Variants in CADM2 observed in about 807,000 individuals in gnomAD.
CADM2 encodes immunoglobulin superfamily member 4D.
Under a neutral mutation model 49.8 loss-of-function variants are expected in CADM2, and 12 were observed. The observed-to-expected ratio is 0.24, with a 90% CI of 0.15 to 0.39. CADM2 has a LOEUF of 0.39. Ranked by LOEUF, CADM2 falls within the 10% of genes least tolerant of loss-of-function variation. CADM2 has a pLI of 1.00. For synonymous variants in CADM2, 214 were observed against 175.4 expected (o/e 1.22, Z -1.74); for missense variants, 378 against 492.3 (o/e 0.77, Z 2.20).
intron 1 of CADM2, among the ~76,000 whole-genome samples, chr3:85,343,827 G>A (rs1227749155): frequency 1.3e-5 from 2 of 152,112 alleles, no homozygotes; most frequent in Non-Finnish European, 2.9e-5. Flanking sequence ...GAGTTATCTT[G>A]TTTGTTTTTA....
At chr3:86,036,904 C>T (rs1363448706) in intron 8 of CADM2, among the ~76,000 whole-genome samples, 1 of 151,974 alleles carries the variant, frequency 6.6e-6, no homozygotes, top group Non-Finnish European at 1.5e-5. Context: ...TCACTGGCTT[C>T]AATATTTAGT....
At chr3:85,138,381 C>T (rs886297063) in intron 1 of CADM2, among the ~76,000 whole-genome samples, 3 of 152,072 alleles carry the variant, frequency 2.0e-5, no homozygotes, top group African/African-American at 4.8e-5. Flanking sequence ...TTGAGGCTTT[C>T]TTCAGAGGTT....
chr3:85,725,415 T>C (rs1027642392), intron 1 of CADM2, among the ~76,000 whole-genome samples: 2 of 151,946 alleles, frequency 1.3e-5, no homozygotes, highest in Non-Finnish European at 2.9e-5. Context: ...TAAATTTTAC[T>C]AAAGGTCAGT....
At chr3:85,644,793 A>C (rs577123655) in intron 1 of CADM2, among the ~76,000 whole-genome samples, 10 of 152,256 alleles carry the variant, frequency 6.6e-5, no homozygotes, top group African/African-American at 2.4e-4. Context: ...TATTTTAATA[A>C]CTTTGAAGTC....
intron 1 of CADM2, among the ~76,000 whole-genome samples, chr3:84,989,565 C>T (rs1191649155): frequency 4.6e-5 from 7 of 152,014 alleles, no homozygotes; most frequent in African/African-American, 1.7e-4. Flanking sequence ...TATTTATAAA[C>T]AAGTGCTTGC....
At chr3:85,446,091 T>G (rs1288167726) in intron 1 of CADM2, among the ~76,000 whole-genome samples, 1 of 152,144 alleles carries the variant, frequency 6.6e-6, no homozygotes, top group East Asian at 1.9e-4. Flanking sequence ...GTGGTATCAT[T>G]TTTGATACTT....
At chr3:86,062,142 AT>A (rs1738730646) in intron 8 of CADM2, among the ~76,000 whole-genome samples, 1 of 152,166 alleles carries the variant, frequency 6.6e-6, no homozygotes. Flanking sequence ...AACAAAAATG[AT>A]TTCTAAGTTC....
At chr3:85,674,274 C>A (rs1189135843) in intron 1 of CADM2, among the ~76,000 whole-genome samples, 1 of 152,106 alleles carries the variant, frequency 6.6e-6, no homozygotes, top group East Asian at 1.9e-4. Flanking sequence ...TCCATGCTAG[C>A]ACACCCAAGT....
At chr3:86,025,970 G>T (rs1251422813) in intron 8 of CADM2, among the ~76,000 whole-genome samples, 1 of 151,870 alleles carries the variant, frequency 6.6e-6, no homozygotes, top group African/African-American at 2.4e-5. Context: ...AGAATAATTG[G>T]CTCTCTTTGA....
chr3:86,005,893 C>T (rs1009563792), intron 8 of CADM2, among the ~76,000 whole-genome samples: 5 of 152,082 alleles, frequency 3.3e-5, no homozygotes, highest in Admixed American at 2.0e-4. Flanking sequence ...CCTCTGGTAG[C>T]CATCCTTCTA....
At chr3:85,041,338 T>A (rs2035430997) in intron 1 of CADM2, among the ~76,000 whole-genome samples, 1 of 152,158 alleles carries the variant, frequency 6.6e-6, no homozygotes, top group Non-Finnish European at 1.5e-5. Flanking sequence ...TTTAAAAAAT[T>A]CGCACAGTGA....
At chr3:85,803,780 C>T (rs143862269) in intron 3 of CADM2, among the ~76,000 whole-genome samples, 2 of 152,158 alleles carry the variant, frequency 1.3e-5, no homozygotes, top group Non-Finnish European at 2.9e-5. Context: ...CTGCTTTACT[C>T]AAAGTCTACT....
intron 1 of CADM2, among the ~76,000 whole-genome samples, chr3:85,094,584 A>G (rs1224633751): frequency 6.6e-6 from 1 of 152,162 alleles, no homozygotes; most frequent in Non-Finnish European, 1.5e-5. Flanking sequence ...AATTCTACTG[A>G]GTTTTCTTTA....
chr3:85,289,367 G>A (rs1278463891), intron 1 of CADM2, among the ~76,000 whole-genome samples: 1 of 152,140 alleles, frequency 6.6e-6, no homozygotes, highest in African/African-American at 2.4e-5. Flanking sequence ...AATGAAAGGG[G>A]AAACTATTGC....
chr3:85,279,586 A>G (rs2043449715), intron 1 of CADM2, among the ~76,000 whole-genome samples: 1 of 151,514 alleles, frequency 6.6e-6, no homozygotes, highest in Non-Finnish European at 1.5e-5. Context: ...CTTTTTATAC[A>G]GAAGATATTT....
chr3:85,847,269 C>G (rs772995334), intron 3 of CADM2, among the ~76,000 whole-genome samples: 1 of 152,076 alleles, frequency 6.6e-6, no homozygotes, highest in Non-Finnish European at 1.5e-5. Flanking sequence ...TAAAACAAAA[C>G]AAAAACAATG....
intron 8 of CADM2, among the ~76,000 whole-genome samples, chr3:86,060,442 C>T (rs1738493929): frequency 1.3e-5 from 2 of 152,078 alleles, no homozygotes; most frequent in South Asian, 4.2e-4. Flanking sequence ...TGATCTACTG[C>T]ATTAAGAATG....
intron 1 of CADM2, among the ~76,000 whole-genome samples, chr3:85,291,715 A>T (rs1186047174): frequency 6.8e-6 from 1 of 147,600 alleles, no homozygotes; most frequent in Non-Finnish European, 1.5e-5. Context: ...GAGAAATAAA[A>T]TACTTTACAG....
chr3:85,941,276 T>C (rs907751450), intron 7 of CADM2, among the ~76,000 whole-genome samples: 1 of 152,122 alleles, frequency 6.6e-6, no homozygotes, highest in Admixed American at 6.6e-5. Context: ...TTAATACACA[T>C]GCTAATATTA....
Sources: gnomAD v4.1 joint callset for allele counts (sites outside exome capture counted in the v4.1 genomes callset) on GRCh38, gnomAD v4.1.1 for gene constraint, MANE v1.5 for transcripts, NCBI Gene and HGNC (gene_info 2026-07-23, HGNC 2026-07-21) for gene names.